The following ACOXL variants were observed in gnomAD, a reference collection of about 807,000 sequenced individuals.
The protein encoded by ACOXL is acyl-coenzyme A oxidase-like protein.
Under a neutral mutation model 71.9 loss-of-function variants are expected in ACOXL, and 70 were observed. The observed-to-expected ratio is 0.97, with a 90% CI of 0.80 to 1.19. The LOEUF (loss-of-function observed/expected upper bound fraction) is 1.19, where lower values mean the gene tolerates loss of function less well. ACOXL is among the 50% of genes most tolerant of loss of function. The pLI is 0.00. For missense variants in ACOXL, 703 were observed against 736.3 expected (o/e 0.95, Z 0.52); for synonymous variants, 253 against 281.6 (o/e 0.90, Z 1.02).
chr2:111,074,921 T>G (rs2067523717), intron 16 of ACOXL, among the ~76,000 whole-genome samples: 1 of 152,248 alleles, frequency 6.6e-6, no homozygotes, highest in Non-Finnish European at 1.5e-5. Context: ...TGGCCTTGCA[T>G]TCCTAGGATA....
chr2:111,074,503 T>C lies in ACOXL; in HGVS notation c.1441-18362T>C, dbSNP rs552887336. ...GAGATTTTTTTAAATCAGGAATTAATGTTAAATTTTGCCAAATGCTTTTTC... is the reference window on the plus strand; with the variant it reads ...GAGATTTTTTTAAATCAGGAATTAACGTTAAATTTTGCCAAATGCTTTTTC... On this transcript the variant is annotated intron_variant, in intron 16 of 17. Transcript: ENST00000439055. Among the ~76,000 whole-genome samples the C allele has an allele frequency of 3.3e-5, 5 of 152,304 alleles. No individual in the cohort carries two copies. The East Asian group carries it at 9.6e-4, about 29-fold the overall frequency.
intron 10 of ACOXL, among the ~76,000 whole-genome samples, chr2:110,851,138 G>A (rs1442954136): frequency 6.6e-6 from 1 of 152,158 alleles, no homozygotes; most frequent in Non-Finnish European, 1.5e-5. Flanking sequence ...GCAAAGTGAG[G>A]GATTTTTGGG....
At chr2:111,097,505 C>T (rs2068870386) in intron 17 of ACOXL, among the ~76,000 whole-genome samples, 1 of 152,174 alleles carries the variant, frequency 6.6e-6, no homozygotes, top group Non-Finnish European at 1.5e-5. Flanking sequence ...TTTCTAGCAC[C>T]GTCCTCCAAT....
At chr2:111,054,538 G>A (rs1193283655) in intron 16 of ACOXL, among the ~76,000 whole-genome samples, 2 of 152,222 alleles carry the variant, frequency 1.3e-5, no homozygotes, top group African/African-American at 2.4e-5. Flanking sequence ...CTGATGGGAG[G>A]TGTGGGGGCT....
intron 12 of ACOXL, among the ~76,000 whole-genome samples, chr2:110,964,331 A>T (rs551392255): frequency 6.6e-6 from 1 of 152,244 alleles, no homozygotes; most frequent in Non-Finnish European, 1.5e-5. Context: ...GAAAATTATT[A>T]TACAGTATAA....
intron 12 of ACOXL, among the ~76,000 whole-genome samples, chr2:110,933,900 A>G (rs890570926): frequency 6.6e-6 from 1 of 152,194 alleles, no homozygotes; most frequent in African/African-American, 2.4e-5. Context: ...TCGTGGGGCA[A>G]AGGTAGTAGT....
At chr2:110,843,698 G>A (rs1435657570) in intron 10 of ACOXL, among the ~76,000 whole-genome samples, 1 of 152,212 alleles carries the variant, frequency 6.6e-6, no homozygotes, top group Non-Finnish European at 1.5e-5. Context: ...CCCACGTTCT[G>A]TGCTCTGCTC....
At chr2:110,956,085 G>A (rs896884781) in intron 12 of ACOXL, among the ~76,000 whole-genome samples, 3 of 151,926 alleles carry the variant, frequency 2.0e-5, no homozygotes, top group East Asian at 1.9e-4. Flanking sequence ...ACAGGCAAGT[G>A]CTACTACGTC....
intron 10 of ACOXL, among the ~76,000 whole-genome samples, chr2:110,853,969 ATACT>A (rs976847574): frequency 2.7e-5 from 4 of 150,018 alleles, no homozygotes; most frequent in African/African-American, 9.8e-5. Context: ...CATTCAACAG[ATACT>A]TACTGAGCTT....
intron 14 of ACOXL, among the ~76,000 whole-genome samples, chr2:110,996,605 C>T (rs2063408298): frequency 6.6e-6 from 1 of 152,178 alleles, no homozygotes; most frequent in Admixed American, 6.5e-5. Context: ...CTTTACTGCT[C>T]CTATTCTATG....
At chr2:111,068,112 G>A (rs774862912) in intron 16 of ACOXL, among the ~76,000 whole-genome samples, 16 of 152,228 alleles carry the variant, frequency 1.1e-4, no homozygotes, top group Non-Finnish European at 2.1e-4. Flanking sequence ...CAGAGGAGGC[G>A]AATGGGGGCT....
At chr2:110,995,478 A>G (rs1351897731) in intron 13 of ACOXL, among the ~76,000 whole-genome samples, 1 of 116,864 alleles carries the variant, frequency 8.6e-6, no homozygotes, top group African/African-American at 3.4e-5. Flanking sequence ...CCAGCCTGGG[A>G]AACAGAGTGA....
chr2:110,858,953 C>A (rs762329006), intron 10 of ACOXL, among the ~76,000 whole-genome samples: 1 of 152,094 alleles, frequency 6.6e-6, no homozygotes, highest in Non-Finnish European at 1.5e-5. Context: ...ATGCTTCGTG[C>A]GAGGCGGTAC....
intron 14 of ACOXL, among the ~76,000 whole-genome samples, chr2:110,997,156 T>C (rs2063433815): frequency 1.3e-5 from 2 of 152,194 alleles, no homozygotes; most frequent in African/African-American, 4.8e-5. Context: ...ATCTGTAAAC[T>C]GTTTTCGAAG....
chr2:111,089,828 C>T lies in ACOXL; in HGVS notation c.1441-3037C>T, dbSNP rs75924018. 3.4e-3 allele frequency among the ~76,000 whole-genome samples: 520 copies of T among 152,250 alleles called. 6 individuals carry two copies. The East Asian group carries it at 0.047, about 14-fold the overall frequency. On this transcript the variant is annotated intron_variant, in intron 16 of 17. Coordinates refer to ENST00000439055, the MANE Select transcript of ACOXL (RefSeq NM_001142807.4). ...AAAAGTATAGAATCCAAACCTAGGG[C>T]AGTAATGGTGCTGCAGATGCCATAG...
At chr2:110,873,675 C>T (rs566510618) in intron 10 of ACOXL, among the ~76,000 whole-genome samples, 12 of 152,264 alleles carry the variant, frequency 7.9e-5, no homozygotes, top group African/African-American at 2.4e-4. Flanking sequence ...CCCTGCTCAT[C>T]CCTCAAATTG....
At chr2:110,915,024 A>G (rs2059786901) in intron 11 of ACOXL, among the ~76,000 whole-genome samples, 1 of 152,156 alleles carries the variant, frequency 6.6e-6, no homozygotes, top group Admixed American at 6.5e-5. Context: ...TCTTTTAGTT[A>G]TTTTAAAATG....
At chr2:110,781,249 C>T (rs116245250) in intron 2 of ACOXL, among the ~76,000 whole-genome samples, 2,033 of 152,182 alleles carry the variant, frequency 0.013, 35 homozygotes, top group African/African-American at 0.045. Flanking sequence ...ATAAAAAGCT[C>T]ATGGTGCCTG....
intron 16 of ACOXL, among the ~76,000 whole-genome samples, chr2:111,090,808 G>T (rs886310476): frequency 6.6e-6 from 1 of 152,226 alleles, no homozygotes; most frequent in African/African-American, 2.4e-5. Context: ...GATGTGACTT[G>T]TGATAGATGT....
Sources: allele counts gnomAD v4.1 joint callset (sites outside exome capture counted in the v4.1 genomes callset), GRCh38; gene constraint gnomAD v4.1.1; transcripts MANE v1.5; gene names NCBI Gene and HGNC (gene_info 2026-07-23, HGNC 2026-07-21).